Variants in CCDC169 observed in about 807,000 individuals in gnomAD.
CCDC169 encodes coiled-coil domain containing 169, also known as coiled-coil domain-containing protein 169.
CCDC169 carries 30 observed loss-of-function variants against 36.0 expected under a neutral mutation model. The observed-to-expected ratio is 0.83, with a 90% CI of 0.62 to 1.13. CCDC169 has a LOEUF of 1.13. Among genes scored for constraint, CCDC169 ranks in the 50% most tolerant of loss-of-function variants. CCDC169 has a pLI of 0.00. For synonymous variants in CCDC169, 85 were observed against 81.5 expected (o/e 1.04, Z -0.23); for missense variants, 245 against 245.9 (o/e 1.00, Z 0.03).
At chr13:36,225,972 A>G (rs1203731247), downstream of CCDC169, 5 of 152,188 alleles carry the variant, frequency 3.3e-5, no homozygotes, top group Non-Finnish European at 7.4e-5. Flanking sequence ...AAAAGGGAAC[A>G]CTTAGACACT....
intron 4 of CCDC169, among the ~76,000 whole-genome samples, chr13:36,277,454 T>G (rs1876966769): frequency 6.6e-6 from 1 of 152,174 alleles, no homozygotes; most frequent in East Asian, 1.9e-4. Flanking sequence ...ATCCTGCACA[T>G]GTACCCCAGA....
chr13:36,231,762 G>C (rs1164574347), intron 7 of CCDC169, among the ~76,000 whole-genome samples: 1 of 152,144 alleles, frequency 6.6e-6, no homozygotes, highest in Non-Finnish European at 1.5e-5. Flanking sequence ...GTCATTTAAA[G>C]TCTTTCTCTA....
rs183946376 is a variant in CCDC169 at position 36,297,806 on chromosome 13, C to T, written c.-87G>A. ...GGGCCACCCAGAAGCCAGTACGGCA[C>T]GAGGCGGTGAACCCCAACCGCCCCC... On this transcript the variant is annotated 5_prime_UTR_variant, in exon 1 of 8. It adds an upstream start codon to the 5' untranslated region. Transcript: ENST00000239859. 1,401 of 1,308,838 alleles carry T rather than the reference C, an allele frequency of 1.1e-3. No individual in the cohort carries two copies. Among genetic ancestry groups the T allele is most frequent in the Non-Finnish European group, 1.4e-3 (1,332 of 937,640 alleles). The allele number at this position is 1,308,838 out of a possible 1,614,324, so 81.1% of individuals were successfully genotyped here.
intron 2 of CCDC169, among the ~76,000 whole-genome samples, chr13:36,293,427 C>T (rs1048682440): frequency 2.6e-5 from 4 of 152,130 alleles, no homozygotes; most frequent in South Asian, 2.1e-4. Context: ...AATAATATAT[C>T]CCATCCCATG....
intron 7 of CCDC169, among the ~76,000 whole-genome samples, chr13:36,233,914 A>G (rs1432334770): frequency 6.6e-6 from 1 of 152,192 alleles, no homozygotes; most frequent in East Asian, 1.9e-4. Flanking sequence ...AATGTGGAGA[A>G]TCTCCACTAA....
downstream of CCDC169, among the ~76,000 whole-genome samples, chr13:36,228,737 G>C (rs1261061558): frequency 6.6e-6 from 1 of 152,030 alleles, no homozygotes; most frequent in African/African-American, 2.4e-5. Flanking sequence ...TTTTTGTAGA[G>C]ATGGAGTTTT....
chr13:36,278,129 C>G (rs1877068922), intron 4 of CCDC169, among the ~76,000 whole-genome samples: 1 of 152,182 alleles, frequency 6.6e-6, no homozygotes, highest in Non-Finnish European at 1.5e-5. Flanking sequence ...TCACAACAGA[C>G]TTGTTTTAAT....
At chr13:36,288,154 G>A (rs765907784) in intron 2 of CCDC169, among the ~76,000 whole-genome samples, 9 of 151,668 alleles carry the variant, frequency 5.9e-5, no homozygotes, top group Admixed American at 1.3e-4. Context: ...GACTACAGGC[G>A]CCCATCACCA....
downstream of CCDC169, among the ~76,000 whole-genome samples, chr13:36,229,462 A>G (rs1392366561): frequency 3.9e-5 from 6 of 152,130 alleles, no homozygotes; most frequent in South Asian, 8.3e-4. Flanking sequence ...ATGTTCCTCA[A>G]TAGTCCCCAC....
At chr13:36,232,085 G>C (rs924290345) in intron 7 of CCDC169, among the ~76,000 whole-genome samples, 1 of 152,130 alleles carries the variant, frequency 6.6e-6, no homozygotes, top group African/African-American at 2.4e-5. Flanking sequence ...GCAACAAACG[G>C]CTGAAACTTC....
intron 7 of CCDC169, among the ~76,000 whole-genome samples, chr13:36,239,322 G>A (rs1871474343): frequency 6.6e-6 from 1 of 152,010 alleles, no homozygotes; most frequent in Admixed American, 6.6e-5. Flanking sequence ...TTCATAAACT[G>A]TAAAATATGT....
intron 5 of CCDC169, 38 bp downstream of exon 5, chr13:36,254,007 G>A: frequency 6.5e-7 from 1 of 1,532,726 alleles, no homozygotes; most frequent in Non-Finnish European, 8.8e-7. Flanking sequence ...AATAATGGCA[G>A]TTTCAAAGGA....
At chr13:36,289,567 G>A (rs1878627071) in intron 2 of CCDC169, among the ~76,000 whole-genome samples, 1 of 152,130 alleles carries the variant, frequency 6.6e-6, no homozygotes, top group South Asian at 2.1e-4. Flanking sequence ...TAACTTCCAG[G>A]TTGTCTAAAT....
chr13:36,241,429 C>T (rs1594005537), intron 7 of CCDC169, among the ~76,000 whole-genome samples: 1 of 152,172 alleles, frequency 6.6e-6, no homozygotes, highest in South Asian at 2.1e-4. Flanking sequence ...TTAATAATTA[C>T]TAGCCTGTGT....
chr13:36,249,769 A>G (rs1247754660), intron 6 of CCDC169, among the ~76,000 whole-genome samples: 3 of 152,168 alleles, frequency 2.0e-5, no homozygotes, highest in Non-Finnish European at 4.4e-5. Flanking sequence ...ACAGCAGATA[A>G]GACTGGGGAA....
intron 4 of CCDC169, among the ~76,000 whole-genome samples, chr13:36,273,483 A>T (rs1876370282): frequency 6.6e-6 from 1 of 152,154 alleles, no homozygotes; most frequent in African/African-American, 2.4e-5. Flanking sequence ...CCACACACAT[A>T]CTGCCTTACT....
intron 4 of CCDC169, among the ~76,000 whole-genome samples, chr13:36,254,785 T>C (rs187456160): frequency 5.4e-4 from 82 of 152,234 alleles, no homozygotes; most frequent in Non-Finnish European, 8.8e-4. Context: ...TAACAAGAGA[T>C]CAATCAAAAG....
chr13:36,281,190 A>C (rs1877484766), intron 4 of CCDC169: 1 of 408,452 alleles, frequency 2.4e-6, no homozygotes, highest in Admixed American at 3.0e-5. Flanking sequence ...GTAGAAACTT[A>C]GGGGAAGCCT....
chr13:36,266,128 G>A (rs938525613), intron 4 of CCDC169, among the ~76,000 whole-genome samples: 5 of 152,122 alleles, frequency 3.3e-5, no homozygotes, highest in Non-Finnish European at 7.4e-5. Context: ...GTTCAGGTCT[G>A]GGAAATGAGT....
Sources: gnomAD v4.1 joint callset for allele counts (sites outside exome capture counted in the v4.1 genomes callset) on GRCh38, gnomAD v4.1.1 for gene constraint, MANE v1.5 for transcripts, NCBI Gene and HGNC (gene_info 2026-07-23, HGNC 2026-07-21) for gene names.